The following CROCC variants were observed in gnomAD, a reference collection of about 807,000 sequenced individuals.
The protein encoded by CROCC is rootletin.
A neutral mutation model predicts 245.2 loss-of-function variants in CROCC; 180 were observed. That is an observed-to-expected ratio of 0.73 (90% CI 0.65 to 0.83). The LOEUF (loss-of-function observed/expected upper bound fraction) is 0.83, where lower values mean the gene tolerates loss of function less well. Among genes scored for constraint, CROCC ranks in the 40% least tolerant of loss-of-function variants. The pLI is 0.00. For missense variants in CROCC, 2,688 were observed against 2,779.4 expected, an observed-to-expected ratio of 0.97 and a Z score of 0.74; for synonymous variants, 1,205 against 1,241.6, an observed-to-expected ratio of 0.97 and a Z score of 0.62.
rs746124685 is a variant in CROCC, at chr1:16,945,489, G to T, written c.2019G>T (p.Gly673=). The T allele has an allele frequency of 1.9e-6, 3 of 1,611,226 alleles. No individual in the cohort carries two copies. Among genetic ancestry groups the T allele is most frequent in the Non-Finnish European group, 2.5e-6 (3 of 1,179,628 alleles). ...ATAGACAACTAGAGCAGCTGGAAGG[G>T]AAGCGCTCAGTCCTGGCCAAGGAGC... The part of the protein sequence containing the change: ...RSHRQLEQLE[G]KRSVLAKELV... Residue 673 remains glycine, a synonymous_variant, in exon 15 of 37, where the codon GGG becomes GGT. Coordinates refer to ENST00000375541, the MANE Select transcript of CROCC (RefSeq NM_014675.5).
chr1:16,952,301 A>C (rs1415921567), intron 20 of CROCC, among the ~76,000 whole-genome samples: 1 of 151,660 alleles, frequency 6.6e-6, no homozygotes, highest in Non-Finnish European at 1.5e-5. Flanking sequence ...TGGCTAACAC[A>C]GTGAAACCCC....
chr1:16,935,609 A>T (rs2075771242), intron 8 of CROCC, among the ~76,000 whole-genome samples: 1 of 152,280 alleles, frequency 6.6e-6, no homozygotes, highest in South Asian at 2.1e-4. Context: ...TATTCTTAAT[A>T]GAGACGGGGT....
intron 8 of CROCC, among the ~76,000 whole-genome samples, chr1:16,931,662 A>G (rs1165846556): frequency 6.6e-6 from 1 of 152,282 alleles, no homozygotes; most frequent in Non-Finnish European, 1.5e-5. Context: ...GTTCATTCAC[A>G]TATTACAGAT....
At position 16,937,751 on chromosome 1, in the gene CROCC, GC is replaced by G. The variant is rs779452074; in HGVS notation, c.1290+18del. 10 of 1,600,010 alleles carry G rather than the reference GC, an allele frequency of 6.2e-6. No homozygotes were observed. The highest frequency in any genetic ancestry group is 8.5e-6 in the Non-Finnish European group (10 of 1,170,914). On this transcript the variant is annotated intron_variant, in intron 10 of 36. Transcript: ENST00000375541. ...CTTGAGGCCCTGGTGAGCTGCAGGT[GC>G]CCCTGAGATGGGGCAGGGTGAGATG...
rs1381160886 is a variant in CROCC at position 16,943,547 on chromosome 1, A to AC, written c.1809-553_1809-552insC. On this transcript the variant is annotated intron_variant, in intron 13 of 36. Transcript: ENST00000375541. ...AGCGAGACTCCGTCTCAAAAAAAAA[A>AC]AATAAAACAAAATCACGCTGTGAAG... Among the ~76,000 whole-genome samples the AC allele has an allele frequency of 1.1e-4, 17 of 152,396 alleles. No individual in the cohort carries two copies. The South Asian group carries it at 2.1e-3, about 19-fold the overall frequency.
chr1:16,968,153 G>A (rs1341392944), intron 30 of CROCC, 50 bp from the exon 31 acceptor site: 1 of 1,526,928 alleles, frequency 6.5e-7, no homozygotes, highest in Non-Finnish European at 8.9e-7. Flanking sequence ...TGTGCGGGAG[G>A]GCTGCGGGGT....
At chr1:16,919,360 C>G (rs1440296016), upstream of CROCC, among the ~76,000 whole-genome samples, 1 of 152,284 alleles carries the variant, frequency 6.6e-6, no homozygotes, top group Non-Finnish European at 1.5e-5. Context: ...AGCCCAATGT[C>G]TCTGAGCCTC....
Position 16,956,172 on chromosome 1 carries a change from C to T in CROCC, c.3864+16C>T. 6.6e-7 allele frequency: 1 copy of T among 1,525,406 alleles called. No individual in the cohort carries two copies. Among genetic ancestry groups the T allele is most frequent in the Non-Finnish European group, 8.8e-7 (1 of 1,131,978 alleles). 94.5% of individuals were successfully genotyped at this position (1,525,406 alleles called of 1,614,324 possible). ...CCGGCGTCAGGTACTCTCCCTGTGC[C>T]ACCCCTTAGCCTGGGGCTTGCTGTG... On this transcript the variant is annotated intron_variant, in intron 25 of 36. Coordinates refer to ENST00000375541, the MANE Select transcript of CROCC (RefSeq NM_014675.5).
chr1:16,952,036 C>T (rs1157409230), intron 20 of CROCC: 5 of 151,498 alleles, frequency 3.3e-5, no homozygotes, highest in Admixed American at 3.3e-4. Flanking sequence ...GGATTATAGG[C>T]GCGCCACCAC....
At chr1:16,968,535 TCA>T in intron 31 of CROCC, 117 bp downstream of exon 31, 1 of 1,070,376 alleles carries the variant, frequency 9.3e-7, no homozygotes, top group Non-Finnish European at 1.3e-6. Context: ...CATCCCCATT[TCA>T]CAGATGGACA....
At chr1:16,958,917 T>C (rs973359837) in intron 26 of CROCC, among the ~76,000 whole-genome samples, 167 bp downstream of exon 26, 9 of 152,162 alleles carry the variant, frequency 5.9e-5, no homozygotes, top group African/African-American at 2.2e-4. Context: ...CAAAGAACAG[T>C]GGGCCTACTG....
Position 16,947,133 on chromosome 1 carries a change from G to A in CROCC, c.2514+142G>A. ...AATCCAGCCCCACTTCTGCTAGCTG[G>A]GGACCTTGGACAAGCTGCCCAATCT... On this transcript the variant is annotated intron_variant, in intron 17 of 36. Transcript: ENST00000375541. The A allele has an allele frequency of 7.2e-6, 6 of 833,658 alleles. No homozygotes were observed. In the South Asian group the frequency reaches 7.3e-5, roughly 10 times the overall value. 51.6% of individuals were successfully genotyped at this position (833,658 alleles called of 1,614,324 possible). A position where few individuals can be genotyped will look rare whatever the true frequency, so the allele number is the denominator to read the frequency against.
chr1:16,926,117 C>T (rs2075529557), intron 3 of CROCC, among the ~76,000 whole-genome samples: 1 of 152,260 alleles, frequency 6.6e-6, no homozygotes, highest in Admixed American at 6.5e-5. Context: ...CTAGAAAGCT[C>T]CCTCCTGTGG....
intron 16 of CROCC, 141 bp downstream of exon 16, chr1:16,946,546 G>C (rs2076051160): frequency 1.5e-6 from 2 of 1,300,086 alleles, no homozygotes; most frequent in African/African-American, 1.4e-5. Context: ...CTGGTTCTCT[G>C]TCTGTCTGTC....
intron 8 of CROCC, among the ~76,000 whole-genome samples, chr1:16,936,066 T>C (rs1363773048): frequency 1.3e-5 from 2 of 152,242 alleles, no homozygotes; most frequent in African/African-American, 2.4e-5. Context: ...TATCCCTTTT[T>C]TTTTCCCCAA....
intron 3 of CROCC, among the ~76,000 whole-genome samples, chr1:16,925,879 A>G (rs1460214421): frequency 2.6e-5 from 4 of 152,366 alleles, no homozygotes; most frequent in African/African-American, 9.6e-5. Flanking sequence ...CGCTGGCCCC[A>G]GTCATGAATT....
rs141669296 is a variant in CROCC at position 16,953,445 on chromosome 1, C to T, written c.3150C>T (p.Asp1050=). The T allele has an allele frequency of 1.3e-5, 21 of 1,609,680 alleles. No homozygotes were observed. Among genetic ancestry groups the T allele is most frequent in the African/African-American group, 1.2e-4 (9 of 74,864 alleles). Residue 1050 remains aspartate, a synonymous_variant, in exon 21 of 37, where the codon GAC becomes GAT. Transcript: ENST00000375541. ...EEIAALQQER[D]EGLLLAESEK... is the part of the protein sequence containing the mutation. ...TTGCTGCCCTGCAGCAGGAGCGCGA[C>T]GAGGGCCTCCTCCTAGCAGAGAGTG...
intron 8 of CROCC, among the ~76,000 whole-genome samples, chr1:16,935,581 C>T (rs1420252362): frequency 5.2e-5 from 8 of 152,394 alleles, no homozygotes; most frequent in Admixed American, 2.6e-4. Context: ...CCACCTCACC[C>T]GGCTAATTTT....
intron 8 of CROCC, among the ~76,000 whole-genome samples, chr1:16,933,658 C>T (rs1196294776): frequency 1.3e-5 from 2 of 152,242 alleles, no homozygotes; most frequent in African/African-American, 4.8e-5. Context: ...CCTCTCCCTC[C>T]TGGGTTCAGC....
Sources: gnomAD v4.1 joint callset for allele counts (sites outside exome capture counted in the v4.1 genomes callset) on GRCh38, gnomAD v4.1.1 for gene constraint, MANE v1.5 for transcripts, NCBI Gene and HGNC (gene_info 2026-07-23, HGNC 2026-07-21) for gene names.